Variants in SERPINB7 observed in about 807,000 individuals in gnomAD.
SERPINB7 encodes the protein serpin B7.
Under a neutral mutation model 37.4 loss-of-function variants are expected in SERPINB7, and 31 were observed. That is an observed-to-expected ratio of 0.83 (90% CI 0.62 to 1.12). The LOEUF (loss-of-function observed/expected upper bound fraction) is 1.12, where lower values mean the gene tolerates loss of function less well. Among genes scored for constraint, SERPINB7 ranks in the 50% most tolerant of loss-of-function variants. SERPINB7 has a pLI of 0.00. For missense variants in SERPINB7, 521 were observed against 455.3 expected, an observed-to-expected ratio of 1.14 and a Z score of -1.31; for synonymous variants, 163 against 166.1, an observed-to-expected ratio of 0.98 and a Z score of 0.14.
Position 63,793,141 on chromosome 18 carries a change from A to T in SERPINB7, c.220-20A>T. 7.4e-7 allele frequency: 1 copy of T among 1,355,692 alleles called. No individual in the cohort carries two copies. The highest frequency in any genetic ancestry group is 1.0e-6 in the Non-Finnish European group (1 of 974,784). The allele number at this position is 1,355,692 out of a possible 1,614,324, so 84.0% of individuals were successfully genotyped here. ...CTTTGCAGTCCAAAAATAAATTTTT[A>T]TACATCTTTTTAATAACAGTCAGGG... On this transcript the variant is annotated intron_variant, in intron 3 of 7. Transcript: ENST00000398019.
chr18:63,792,502 C>A, intron 3 of SERPINB7, 59 bp downstream of exon 3: 2 of 1,129,244 alleles, frequency 1.8e-6, no homozygotes, highest in Non-Finnish European at 2.7e-6. Context: ...GGGGCTCAAG[C>A]CTGTAATACC....
In SERPINB7 at chr18:63,785,170, TC is replaced by T. The variant is rs1356570867; in HGVS notation, c.168+2631del. ...ATTTATCTGCACACATTTTTAATCC[TC>T]TGTAAATGTCTTCTAGGAAATTAAT... is the stretch of plus-strand genomic sequence containing the variant. On this transcript the variant is annotated intron_variant, in intron 2 of 7. Coordinates refer to ENST00000398019, the MANE Select transcript of SERPINB7 (RefSeq NM_003784.4). Among the ~76,000 whole-genome samples the T allele has an allele frequency of 7.9e-5, 12 of 152,242 alleles. No individual in the cohort carries two copies. In the South Asian group the frequency reaches 1.0e-3, roughly 13 times the overall value.
chr18:63,786,244 A>G lies in SERPINB7; in HGVS notation c.168+3704A>G, dbSNP rs11872721. Among the ~76,000 whole-genome samples, 39 of 137,816 alleles carry G rather than the reference A, an allele frequency of 2.8e-4. No homozygotes were observed. In the East Asian group the frequency reaches 6.2e-3, roughly 22 times the overall value. 90.4% of individuals were successfully genotyped at this position (137,816 alleles called of 152,430 possible). A position where few individuals can be genotyped will look rare whatever the true frequency, so the allele number is the denominator to read the frequency against. On this transcript the variant is annotated intron_variant, in intron 2 of 7. Coordinates refer to ENST00000398019, the MANE Select transcript of SERPINB7 (RefSeq NM_003784.4). ...TATATATATATATATACACACACAC[A>G]CATCCACACATTTCCTTTGAAATGC...
intron 6 of SERPINB7, among the ~76,000 whole-genome samples, chr18:63,798,951 G>A (rs1014391367): frequency 2.6e-5 from 4 of 152,122 alleles, no homozygotes; most frequent in Non-Finnish European, 5.9e-5. Context: ...CACCAAACGT[G>A]TCTTGTAAAT....
At chr18:63,796,440 G>A in intron 5 of SERPINB7, 57 bp downstream of exon 5, 1 of 947,116 alleles carries the variant, frequency 1.1e-6, no homozygotes, top group Non-Finnish European at 1.7e-6. Context: ...TGTGAATACT[G>A]GGAACAAAAG....
At chr18:63,765,814 A>G (rs2049177826) in intron 1 of SERPINB7, among the ~76,000 whole-genome samples, 2 of 152,152 alleles carry the variant, frequency 1.3e-5, no homozygotes, top group Admixed American at 6.6e-5. Flanking sequence ...TTTCCTTCAT[A>G]GCACTTATTA....
rs115022812 is a variant in SERPINB7, at chr18:63,779,087, T to A, written c.-18-3268T>A. ...TGGGTGGTGTCACACTGACATCTTC[T>A]TTAGGTAGCTTTAATGTGGTTGTTT... On this transcript the variant is annotated intron_variant, in intron 1 of 7. Transcript: ENST00000398019. 3.3e-3 allele frequency among the ~76,000 whole-genome samples: 496 copies of A among 152,284 alleles called. 1 individual carries two copies. The highest frequency in any genetic ancestry group is 0.012 in the African/African-American group (481 of 41,570).
Position 63,798,611 on chromosome 18 carries a change from CA to C in SERPINB7, c.464del (p.Lys155ArgfsTer3). The C allele has an allele frequency of 6.5e-7, 1 of 1,542,946 alleles. No individual in the cohort carries two copies. Among genetic ancestry groups the C allele is most frequent in the Middle Eastern group, 1.7e-4 (1 of 5,868 alleles). On this transcript the variant is annotated frameshift_variant, in exon 6 of 8. Coordinates refer to ENST00000398019, the MANE Select transcript of SERPINB7 (RefSeq NM_003784.4). LOFTEE classifies it high-confidence loss of function. ...CAATTTTTTTTTCAAAAGGCAAAAT[CA>C]AGAACGTGATTGGTGAAGGTGGCAT... Reference protein sequence around the residue: ...WVENETHGKIKNVIGEGGISS... With the variant: ...WVENETHGKIXNVIGEGGISS...
intron 7 of SERPINB7, among the ~76,000 whole-genome samples, chr18:63,802,728 A>G (rs959336975): frequency 6.6e-6 from 1 of 152,234 alleles, no homozygotes; most frequent in African/African-American, 2.4e-5. Context: ...GAATGAATAT[A>G]AAGAAACAGA....
intron 1 of SERPINB7, among the ~76,000 whole-genome samples, chr18:63,768,384 A>G (rs139917237): frequency 1.9e-4 from 29 of 152,124 alleles, no homozygotes; most frequent in African/African-American, 7.0e-4. Context: ...TCATCACTCC[A>G]TTCCACTATA....
At chr18:63,793,432 T>G (rs1195794499) in intron 4 of SERPINB7, among the ~76,000 whole-genome samples, 155 bp downstream of exon 4, 1 of 152,218 alleles carries the variant, frequency 6.6e-6, no homozygotes, top group Non-Finnish European at 1.5e-5. Flanking sequence ...TCATCACCAT[T>G]TCCAAAGTTC....
At chr18:63,764,956 T>C (rs2144589150) in intron 1 of SERPINB7, among the ~76,000 whole-genome samples, 1 of 152,288 alleles carries the variant, frequency 6.6e-6, no homozygotes, top group African/African-American at 2.4e-5. Context: ...AAAAATGATA[T>C]ATTTTTCACT....
At chr18:63,776,164 G>GT (rs753038697) in intron 1 of SERPINB7, among the ~76,000 whole-genome samples, 39 of 151,750 alleles carry the variant, frequency 2.6e-4, no homozygotes, top group South Asian at 8.4e-4. Flanking sequence ...TTGGCTTCAT[G>GT]TTTTTTTTGT....
intron 1 of SERPINB7, among the ~76,000 whole-genome samples, chr18:63,754,260 AGAG>A (rs1420288767): frequency 1.3e-5 from 2 of 152,222 alleles, no homozygotes; most frequent in Non-Finnish European, 1.5e-5. Flanking sequence ...AGAGATTGAT[AGAG>A]GATAGAATTA....
At chr18:63,769,021 A>G (rs570791855) in intron 1 of SERPINB7, among the ~76,000 whole-genome samples, 4 of 152,210 alleles carry the variant, frequency 2.6e-5, no homozygotes, top group Non-Finnish European at 5.9e-5. Flanking sequence ...GTTTGTTTAA[A>G]GTTTTTAGCT....
intron 2 of SERPINB7, among the ~76,000 whole-genome samples, chr18:63,787,757 G>C (rs1036971390): frequency 5.3e-5 from 8 of 152,012 alleles, no homozygotes; most frequent in Non-Finnish European, 1.0e-4. Context: ...GAGAAGGGGA[G>C]ATTCCTTTCT....
Position 63,796,385 on chromosome 18 carries a change from T to C in SERPINB7, c.454+2T>C, listed in dbSNP as rs759176943. 6.7e-7 allele frequency: 1 copy of C among 1,485,630 alleles called. No individual in the cohort carries two copies. The highest frequency in any genetic ancestry group is 9.4e-7 in the Non-Finnish European group (1 of 1,063,812). 92.0% of individuals were successfully genotyped at this position (1,485,630 alleles called of 1,614,324 possible). A position where few individuals can be genotyped will look rare whatever the true frequency, so the allele number is the denominator to read the frequency against. On this transcript the variant is annotated splice_donor_variant, in intron 5 of 7. Transcript: ENST00000398019. LOFTEE classifies it high-confidence loss of function. ...AGTGGGTTGAAAATGAAACACATGG[T>C]GAGTATTGAAATACCCTATTTTTCT... is the stretch of plus-strand genomic sequence containing the variant.
chr18:63,795,799 G>C (rs1195002519), intron 4 of SERPINB7, among the ~76,000 whole-genome samples: 2 of 152,168 alleles, frequency 1.3e-5, no homozygotes, highest in African/African-American at 4.8e-5. Flanking sequence ...TGGGACAGCA[G>C]AGTAAGGAGA....
intron 4 of SERPINB7, 84 bp from the exon 5 acceptor site, chr18:63,796,182 C>A (rs752779076): frequency 3.0e-5 from 22 of 732,086 alleles, no homozygotes; most frequent in African/African-American, 8.9e-5. Context: ...ATAAAGCAGT[C>A]GAAATTAAAA....
Sources: allele counts gnomAD v4.1 joint callset (sites outside exome capture counted in the v4.1 genomes callset), GRCh38; gene constraint gnomAD v4.1.1; transcripts MANE v1.5; gene names NCBI Gene and HGNC (gene_info 2026-07-23, HGNC 2026-07-21).